RFX3: variants seen among roughly 807,000 people sequenced by gnomAD.
RFX3 encodes transcription factor RFX3.
RFX3 carries 14 observed loss-of-function variants against 98.6 expected under a neutral mutation model. The ratio of observed to expected loss-of-function variants is 0.14; its 90% CI spans 0.09 to 0.22. RFX3 has a LOEUF of 0.22. Ranked by LOEUF, RFX3 falls within the 10% of genes least tolerant of loss-of-function variation. The pLI is 1.00. For synonymous variants in RFX3, 383 were observed against 328.4 expected, an observed-to-expected ratio of 1.17 and a Z score of -1.80; for missense variants, 639 against 926.9, an observed-to-expected ratio of 0.69 and a Z score of 4.03.
chr9:3,270,675 G>A (rs553337733), intron 10 of RFX3, 150 bp from the exon 11 acceptor site: 12 of 753,154 alleles, frequency 1.6e-5, no homozygotes, highest in East Asian at 1.3e-4. Flanking sequence ...TATATATACC[G>A]AGAGAGACAG....
intron 15 of RFX3, among the ~76,000 whole-genome samples, chr9:3,235,956 T>C (rs1412128872): frequency 1.3e-5 from 2 of 152,206 alleles, no homozygotes; most frequent in East Asian, 1.9e-4. Context: ...TTATCACACA[T>C]ACATAAGTTA....
At chr9:3,456,429 T>G (rs943972607) in intron 1 of RFX3, among the ~76,000 whole-genome samples, 2 of 152,224 alleles carry the variant, frequency 1.3e-5, no homozygotes, top group Non-Finnish European at 2.9e-5. Context: ...CTAAGCTTTT[T>G]TCAATCCTAA....
intron 4 of RFX3, among the ~76,000 whole-genome samples, chr9:3,327,889 CA>C (rs34884461): frequency 9.6e-5 from 13 of 134,802 alleles, no homozygotes; most frequent in Admixed American, 2.8e-4. Context: ...TATACCTTAT[CA>C]AAAAAAAAAT....
intron 16 of RFX3, among the ~76,000 whole-genome samples, chr9:3,228,230 C>G (rs1025185446): frequency 1.2e-4 from 18 of 152,270 alleles, no homozygotes; most frequent in African/African-American, 4.3e-4. Flanking sequence ...ATTCTATCTC[C>G]CCCTAAGTCC....
chr9:3,348,266 C>G (rs1834679246), intron 2 of RFX3, among the ~76,000 whole-genome samples: 1 of 152,018 alleles, frequency 6.6e-6, no homozygotes, highest in Admixed American at 6.6e-5. Flanking sequence ...GGGGCTTGAA[C>G]AAGTTCAATT....
intron 1 of RFX3, among the ~76,000 whole-genome samples, chr9:3,427,203 T>C (rs1402100356): frequency 6.8e-6 from 1 of 146,124 alleles, no homozygotes; most frequent in African/African-American, 2.5e-5. Context: ...TTATATACTA[T>C]ACTATATAAT....
intron 15 of RFX3, among the ~76,000 whole-genome samples, chr9:3,240,671 G>A (rs985269711): frequency 6.6e-6 from 1 of 152,182 alleles, no homozygotes; most frequent in African/African-American, 2.4e-5. Context: ...ATACAAGGAT[G>A]GTATAAAGAA....
At chr9:3,352,370 G>A (rs576715368) in intron 2 of RFX3, among the ~76,000 whole-genome samples, 1 of 151,956 alleles carries the variant, frequency 6.6e-6, no homozygotes, top group Non-Finnish European at 1.5e-5. Context: ...TGAGTGACAT[G>A]AAAAGAGGTG....
At chr9:3,416,578 T>A (rs565524166) in intron 1 of RFX3, among the ~76,000 whole-genome samples, 22 of 152,282 alleles carry the variant, frequency 1.4e-4, no homozygotes, top group Admixed American at 1.1e-3. Flanking sequence ...ATGATTCCAG[T>A]ATGGTCCTCT....
intron 1 of RFX3, among the ~76,000 whole-genome samples, chr9:3,516,956 G>A (rs556899371): frequency 5.9e-5 from 9 of 152,350 alleles, no homozygotes; most frequent in Admixed American, 2.6e-4. Flanking sequence ...ACTCTCTACA[G>A]AAGCCATTGA....
rs528333896 is a variant in RFX3, at chr9:3,464,637, G to A, written c.-9+61110C>T. On this transcript the variant is annotated intron_variant, in intron 1 of 16. Transcript: ENST00000617270. The stretch of plus-strand genomic sequence containing the variant: ...GGGGTAAAGGATTGACTACAAAAGG[G>A]CAGGAACAAACTTGTGGGGGTGATG... 3.9e-5 allele frequency among the ~76,000 whole-genome samples: 6 copies of A among 152,282 alleles called. No individual in the cohort carries two copies. In the East Asian group the frequency reaches 9.6e-4, roughly 24 times the overall value.
chr9:3,425,150 A>T (rs1843889117), intron 1 of RFX3, among the ~76,000 whole-genome samples: 1 of 152,222 alleles, frequency 6.6e-6, no homozygotes, highest in Admixed American at 6.5e-5. Context: ...AAGTGGGAAG[A>T]TGCGTTAAGT....
At chr9:3,267,035 G>A (rs1409050569) in intron 11 of RFX3, among the ~76,000 whole-genome samples, 5 of 151,848 alleles carry the variant, frequency 3.3e-5, no homozygotes, top group Non-Finnish European at 7.4e-5. Flanking sequence ...ATTTTACGGT[G>A]GTCATAAAAT....
At chr9:3,478,481 AG>A (rs1849464910) in intron 1 of RFX3, among the ~76,000 whole-genome samples, 3 of 150,866 alleles carry the variant, frequency 2.0e-5, no homozygotes, top group African/African-American at 4.9e-5. Flanking sequence ...TACCTGGACC[AG>A]TAAAATGTAG....
chr9:3,380,965 C>T (rs1028840915), intron 2 of RFX3, among the ~76,000 whole-genome samples: 3 of 151,992 alleles, frequency 2.0e-5, no homozygotes, highest in East Asian at 3.8e-4. Context: ...TTCTCTGATG[C>T]GCTGTTGCTT....
intron 5 of RFX3, among the ~76,000 whole-genome samples, chr9:3,297,616 C>A (rs2986685): frequency 6.6e-6 from 1 of 151,882 alleles, no homozygotes; most frequent in Admixed American, 6.6e-5. Flanking sequence ...AGTTTACTAA[C>A]GATATGCATT....
intron 1 of RFX3, among the ~76,000 whole-genome samples, chr9:3,404,980 C>T (rs993801360): frequency 6.6e-6 from 1 of 152,152 alleles, no homozygotes; most frequent in Non-Finnish European, 1.5e-5. Context: ...TCAACTTTTC[C>T]AAAGTCACTA....
chr9:3,320,122 T>C (rs1831088255), intron 4 of RFX3, among the ~76,000 whole-genome samples: 1 of 152,216 alleles, frequency 6.6e-6, no homozygotes, highest in Non-Finnish European at 1.5e-5. Flanking sequence ...TTGGGGAATA[T>C]GACCAAATAG....
intron 8 of RFX3, 37 bp downstream of exon 8, chr9:3,277,303 C>T: frequency 1.2e-6 from 2 of 1,601,462 alleles, no homozygotes; most frequent in Admixed American, 1.7e-5. Flanking sequence ...TTTTCAAAAT[C>T]CTAGTAGCAA....
Sources: allele counts gnomAD v4.1 joint callset (sites outside exome capture counted in the v4.1 genomes callset), GRCh38; gene constraint gnomAD v4.1.1; transcripts MANE v1.5; gene names NCBI Gene and HGNC (gene_info 2026-07-23, HGNC 2026-07-21).